The following PKHD1L1 variants were observed in gnomAD, a reference collection of about 807,000 sequenced individuals.
PKHD1L1 encodes PKHD1 like 1.
Under a neutral mutation model 462.9 loss-of-function variants are expected in PKHD1L1, and 434 were observed. The ratio of observed to expected loss-of-function variants is 0.94; its 90% CI spans 0.87 to 1.02. The LOEUF (loss-of-function observed/expected upper bound fraction) is 1.02, where lower values mean the gene tolerates loss of function less well. PKHD1L1 is among the 50% of genes least tolerant of loss of function. The pLI, the probability that PKHD1L1 is intolerant of heterozygous loss-of-function variation, is 0.00. For missense variants in PKHD1L1, 5,202 were observed against 5,096.1 expected (o/e 1.02, Z -0.63); for synonymous variants, 1,781 against 1,750.0 (o/e 1.02, Z -0.44).
chr8:109,500,541 CT>C (rs1819352249), intron 67 of PKHD1L1, among the ~76,000 whole-genome samples: 1 of 57,684 alleles, frequency 1.7e-5, no homozygotes, highest in South Asian at 9.6e-4. Context: ...AAAAAAAAAC[CT>C]AGCTGGGCAT....
chr8:109,380,335 A>T (rs989297891), intron 2 of PKHD1L1, among the ~76,000 whole-genome samples: 2 of 152,134 alleles, frequency 1.3e-5, no homozygotes, highest in Non-Finnish European at 2.9e-5. Context: ...TATAGTGGGT[A>T]GACTGTATCA....
At chr8:109,403,814 A>G (rs1219181522) in intron 14 of PKHD1L1, among the ~76,000 whole-genome samples, 1 of 152,118 alleles carries the variant, frequency 6.6e-6, no homozygotes, top group Non-Finnish European at 1.5e-5. Flanking sequence ...GATGTGAGAC[A>G]ATTTAGGGAA....
chr8:109,404,597 T>C lies in PKHD1L1; in HGVS notation c.1417T>C (p.Phe473Leu), dbSNP rs1285069189. The change falls in exon 15 of 78, where the codon TTT becomes CTT. Residue 473 changes from phenylalanine (F) to leucine (L), a missense_variant. Phe to Leu is a conservative substitution (Grantham distance 22). This residue lies in a region of PKHD1L1 where 4,497 missense variants were observed against 4,336.8 expected (regional missense o/e 1.04). Coordinates refer to ENST00000378402, the MANE Select transcript of PKHD1L1 (RefSeq NM_177531.6). The part of the protein sequence containing the change: ...ILLQEYRLSA[F>L]VDVGLYQYRN... ...GCTGCAGGAGTACAGATTAAGTGCA[T>C]TTGTTGATGTTGGACTGTACCAGTA... 1.9e-6 allele frequency: 3 copies of C among 1,597,058 alleles called. No homozygotes were observed. The highest frequency in any genetic ancestry group is 2.3e-5 in the East Asian group (1 of 43,972).
rs1434913204 is a variant in PKHD1L1 at position 109,389,113 on chromosome 8, A to G, written c.658A>G (p.Met220Val). The change falls in exon 8 of 78, where the codon ATG becomes GTG. Residue 220 changes from methionine to valine, a missense_variant. Met to Val is a conservative substitution (Grantham distance 21). This residue lies in a region of PKHD1L1 where 4,497 missense variants were observed against 4,336.8 expected (regional missense o/e 1.04). Transcript: ENST00000378402. ...AAAACTGGATCATCCAAATGGAGAT[A>G]TGGGTTCTATGGTTTGTAAGACGAC... The part of the protein sequence containing the change: ...GLKLDHPNGD[M>V]GSMVCKTTGT... 2 of 1,611,174 alleles carry G rather than the reference A, an allele frequency of 1.2e-6. No homozygotes were observed. The highest frequency in any genetic ancestry group is 2.2e-5 in the South Asian group (2 of 90,782).
chr8:109,365,800 C>T (rs1036922840), intron 2 of PKHD1L1, among the ~76,000 whole-genome samples: 11 of 152,104 alleles, frequency 7.2e-5, no homozygotes, highest in Non-Finnish European at 1.0e-4. Flanking sequence ...ATGGTGAAAC[C>T]CCGTCTCTAC....
Position 109,376,021 on chromosome 8 carries a change from T to C in PKHD1L1, c.164-5349T>C, listed in dbSNP as rs578099535. On this transcript the variant is annotated intron_variant, in intron 2 of 77. Coordinates refer to ENST00000378402, the MANE Select transcript of PKHD1L1 (RefSeq NM_177531.6). ...CATGCTGGGAGAACCACTACTCTCTTCAAAGCTGTCAGACAGGGACATTTA... is the reference window on the plus strand; with the variant it reads ...CATGCTGGGAGAACCACTACTCTCTCCAAAGCTGTCAGACAGGGACATTTA... Among the ~76,000 whole-genome samples, 11 of 152,318 alleles carry C rather than the reference T, an allele frequency of 7.2e-5. No individual in the cohort carries two copies. In the South Asian group the frequency reaches 2.3e-3, roughly 32 times the overall value.
At position 109,362,588 on chromosome 8, in the gene PKHD1L1, A is replaced by G. The variant is rs775283354; in HGVS notation, c.8A>G (p.His3Arg). The change falls in exon 1 of 78, where the codon CAC (histidine) becomes CGC (arginine). Residue 3 changes from histidine (H) to arginine (R), a missense_variant. Physicochemically the swap from His to Arg is conservative, Grantham distance 29. Transcript: ENST00000378402. MG[H>R]LWLLGIWGLC... ...CGCAGAACTGGCTTTTCAATGGGAC[A>G]CCTGTGGCTCCTGGGTATTTGGGGC... is the stretch of plus-strand genomic sequence containing the variant. 32 of 1,608,562 alleles carry G rather than the reference A, an allele frequency of 2.0e-5. No individual in the cohort carries two copies. The Admixed American group carries it at 5.2e-4, about 26-fold the overall frequency.
intron 50 of PKHD1L1, among the ~76,000 whole-genome samples, chr8:109,469,351 G>A (rs376699254): frequency 6.6e-6 from 1 of 152,112 alleles, no homozygotes; most frequent in East Asian, 1.9e-4. Context: ...TATGAAGAAG[G>A]CTGCCTGAAA....
intron 57 of PKHD1L1, among the ~76,000 whole-genome samples, chr8:109,484,369 T>C (rs1215149677): frequency 6.6e-6 from 1 of 151,858 alleles, no homozygotes; most frequent in Non-Finnish European, 1.5e-5. Flanking sequence ...ATTTGTCCAA[T>C]CTATCATGGA....
At chr8:109,426,186 T>G (rs539902074) in intron 24 of PKHD1L1, among the ~76,000 whole-genome samples, 2 of 152,146 alleles carry the variant, frequency 1.3e-5, no homozygotes, top group African/African-American at 4.8e-5. Flanking sequence ...TCTTTTATAT[T>G]CATGACTTAT....
At chr8:109,410,853 C>T (rs1484436048) in intron 19 of PKHD1L1, among the ~76,000 whole-genome samples, 2 of 150,768 alleles carry the variant, frequency 1.3e-5, no homozygotes, top group African/African-American at 4.9e-5. Context: ...CTCAGTCTCC[C>T]GAGTAGCTTG....
chr8:109,398,013 C>CT (rs1013068922), intron 11 of PKHD1L1, among the ~76,000 whole-genome samples: 16 of 151,114 alleles, frequency 1.1e-4, no homozygotes, highest in African/African-American at 2.7e-4. Context: ...TATTATCCCC[C>CT]TTTTTTTTTC....
intron 60 of PKHD1L1, among the ~76,000 whole-genome samples, chr8:109,490,313 T>A (rs1818765815): frequency 6.6e-6 from 1 of 151,724 alleles, no homozygotes; most frequent in Admixed American, 6.6e-5. Context: ...TAATAGTGGT[T>A]TATATATCCA....
chr8:109,427,494 G>A (rs1814827743), intron 25 of PKHD1L1, among the ~76,000 whole-genome samples: 1 of 152,060 alleles, frequency 6.6e-6, no homozygotes, highest in African/African-American at 2.4e-5. Flanking sequence ...TATGCTAAGG[G>A]GGTCCCAAAG....
intron 6 of PKHD1L1, among the ~76,000 whole-genome samples, chr8:109,388,027 A>G (rs1812523544): frequency 6.6e-6 from 1 of 152,132 alleles, no homozygotes; most frequent in African/African-American, 2.4e-5. Flanking sequence ...TGTGTCACTG[A>G]TGCTGTTAGA....
chr8:109,401,491 G>T lies in PKHD1L1; in HGVS notation c.1282-6G>T. 1.3e-6 allele frequency: 2 copies of T among 1,499,230 alleles called. No homozygotes were observed. The highest frequency in any genetic ancestry group is 1.9e-6 in the Non-Finnish European group (2 of 1,080,604). The allele number at this position is 1,499,230 out of a possible 1,614,324, so 92.9% of individuals were successfully genotyped here. A position where few individuals can be genotyped will look rare whatever the true frequency, so the allele number is the denominator to read the frequency against. ...CTTTTCTCTGTCTCTGTCTCTCTCG[G>T]ATTAGGTGAGGATTGCATATCATTC... On this transcript the variant is annotated splice_region_variant and splice_polypyrimidine_tract_variant and intron_variant, in intron 13 of 77. Transcript: ENST00000378402.
At position 109,493,682 on chromosome 8, in the gene PKHD1L1, G is replaced by A; in HGVS notation, c.10258G>A (p.Val3420Ile). Residue 3420 changes from valine (V) to isoleucine (I), a missense_variant, in exon 63 of 78, where the codon GTT (valine) becomes ATT (isoleucine). Coordinates refer to ENST00000378402, the MANE Select transcript of PKHD1L1 (RefSeq NM_177531.6). ...AIEINRGTNT[V>I]LQNNVVAGFG... ...CTAGATAAATAGAGGGACCAATACA[G>A]TTTTACAGAATAATGTAGTGGCTGG... The A allele has an allele frequency of 1.2e-6, 2 of 1,607,454 alleles. No individual in the cohort carries two copies. The highest frequency in any genetic ancestry group is 1.7e-6 in the Non-Finnish European group (2 of 1,176,386).
chr8:109,390,399 TG>T, intron 8 of PKHD1L1, 52 bp from the exon 9 acceptor site: 1 of 1,055,254 alleles, frequency 9.5e-7, no homozygotes, highest in Non-Finnish European at 1.3e-6. Context: ...ATAGAGTTAT[TG>T]TTCTTCTGTG....
chr8:109,362,509 C>G lies in PKHD1L1; in HGVS notation c.-72C>G. The G allele has an allele frequency of 6.9e-7, 1 of 1,445,678 alleles. No individual in the cohort carries two copies. The highest frequency in any genetic ancestry group is 9.5e-7 in the Non-Finnish European group (1 of 1,051,866). 89.6% of individuals were successfully genotyped at this position (1,445,678 alleles called of 1,614,324 possible). On this transcript the variant is annotated 5_prime_UTR_variant, in exon 1 of 78. Transcript: ENST00000378402. ...AGCGGGCCCGCCAGCGAGTCGCAGT[C>G]CCAGGAGCCGAGCTCCAGCACTAGA...
Sources: gnomAD v4.1 joint callset for allele counts (sites outside exome capture counted in the v4.1 genomes callset) on GRCh38, gnomAD v4.1.1 for gene constraint, gnomAD v4.1.1 regional missense constraint, MANE v1.5 for transcripts, NCBI Gene and HGNC (gene_info 2026-07-23, HGNC 2026-07-21) for gene names.